RYR1: variants seen among roughly 807,000 people sequenced by gnomAD.
The protein encoded by RYR1 is ryanodine receptor 1.
In RYR1, 342 loss-of-function variants were observed where a neutral mutation model predicts 583.5. The ratio of observed to expected loss-of-function variants is 0.59; its 90% CI spans 0.54 to 0.64. The LOEUF (loss-of-function observed/expected upper bound fraction) is 0.64, where lower values mean the gene tolerates loss of function less well. RYR1 is among the 30% of genes least tolerant of loss of function. The pLI is 0.00. For synonymous variants in RYR1, 2,791 were observed against 2,822.5 expected (o/e 0.99, Z 0.35); for missense variants, 6,032 against 6,917.2 (o/e 0.87, Z 4.54).
In RYR1 at chr19:38,457,532, T is replaced by C. The variant is rs773570444; in HGVS notation, c.1827T>C (p.Asn609=). 3.1e-6 allele frequency: 5 copies of C among 1,614,062 alleles called. No homozygotes were observed. The highest frequency in any genetic ancestry group is 8.5e-7 in the Non-Finnish European group (1 of 1,180,014). The part of the protein sequence containing the change: ...LDVLCSLCVC[N]GVAVRSNQDL... Reference sequence around the variant, plus strand: ...TGCTATGCTCCCTGTGTGTGTGTAATGGTGTGGCTGTACGCTCCAACCAAG... The same window carrying C: ...TGCTATGCTCCCTGTGTGTGTGTAACGGTGTGGCTGTACGCTCCAACCAAG... The change falls in exon 17 of 106, where the codon AAT becomes AAC. Residue 609 remains asparagine (N), a synonymous_variant. Transcript: ENST00000359596.
chr19:38,574,648 A>G (rs987241564), intron 96 of RYR1, among the ~76,000 whole-genome samples: 3 of 152,084 alleles, frequency 2.0e-5, no homozygotes, highest in African/African-American at 7.2e-5. Context: ...CCAAAAAAAA[A>G]ACAAGTAGGA....
In RYR1 at chr19:38,586,651, G is replaced by T. The variant is rs1211064945; in HGVS notation, c.15021+75G>T. On this transcript the variant is annotated intron_variant, in intron 105 of 105. Coordinates refer to ENST00000359596, the MANE Select transcript of RYR1 (RefSeq NM_000540.3). ...ACATAAGGCCAGTCAGTAGGTGGCAGTAAAAAGCTCCTATCAATATCAAGG... is the reference window on the plus strand; with the variant it reads ...ACATAAGGCCAGTCAGTAGGTGGCATTAAAAAGCTCCTATCAATATCAAGG... 4 of 1,379,708 alleles carry T rather than the reference G, an allele frequency of 2.9e-6. No homozygotes were observed. The Admixed American group carries it at 6.8e-5, about 23-fold the overall frequency. The allele number at this position is 1,379,708 out of a possible 1,614,324, so 85.5% of individuals were successfully genotyped here.
At chr19:38,497,720 T>C (rs1969910555) in intron 42 of RYR1, among the ~76,000 whole-genome samples, 1 of 152,126 alleles carries the variant, frequency 6.6e-6, no homozygotes, top group South Asian at 2.1e-4. Context: ...ACATCTATAA[T>C]CCCAGCACTT....
Position 38,460,366 on chromosome 19 carries a change from C to G in RYR1, c.2361-9C>G. On this transcript the variant is annotated splice_polypyrimidine_tract_variant and intron_variant, in intron 19 of 105. Transcript: ENST00000359596. ...CCCTCAATGATCCCCATTGTCCTTC[C>G]TTACCCAGGGTGCGGTTCCTCCTTG... 6.2e-7 allele frequency: 1 copy of G among 1,613,768 alleles called. No individual in the cohort carries two copies. Among genetic ancestry groups the G allele is most frequent in the Non-Finnish European group, 8.5e-7 (1 of 1,179,638 alleles).
At chr19:38,519,679 T>G (rs78412249) in intron 67 of RYR1, among the ~76,000 whole-genome samples, 3 of 152,062 alleles carry the variant, frequency 2.0e-5, no homozygotes, top group Non-Finnish European at 4.4e-5. Flanking sequence ...GGTTTTTTTT[T>G]GTTTGTTTTT....
intron 14 of RYR1, 31 bp from the exon 15 acceptor site, chr19:38,455,420 C>T: frequency 4.3e-6 from 7 of 1,613,758 alleles, no homozygotes; most frequent in Admixed American, 1.7e-5. Flanking sequence ...ATCCCCAGTC[C>T]TATTGGATCT....
At chr19:38,462,114 G>A (rs1338345336) in intron 20 of RYR1, among the ~76,000 whole-genome samples, 1 of 152,164 alleles carries the variant, frequency 6.6e-6, no homozygotes, top group Admixed American at 6.6e-5. Context: ...CCCTATAGGA[G>A]GGAATATAGG....
intron 101 of RYR1, among the ~76,000 whole-genome samples, chr19:38,581,630 G>C (rs772999333): frequency 6.6e-6 from 1 of 151,194 alleles, no homozygotes; most frequent in Non-Finnish European, 1.5e-5. Context: ...ACAGAGTCTC[G>C]TTCTGTCACC....
At chr19:38,517,239 T>A (rs2145681068) in intron 65 of RYR1, 120 bp from the exon 66 acceptor site, 1 of 1,016,170 alleles carries the variant, frequency 9.8e-7, no homozygotes, top group African/African-American at 1.7e-5. Context: ...GAATAGGGTT[T>A]GGGAGACTGT....
At chr19:38,456,963 G>A (rs190282091) in intron 16 of RYR1, among the ~76,000 whole-genome samples, 197 of 133,480 alleles carry the variant, frequency 1.5e-3, no homozygotes, top group African/African-American at 5.1e-3. Flanking sequence ...GGAGAATGAT[G>A]TGAACCCGGG....
chr19:38,562,261 C>T (rs1027841498), intron 90 of RYR1, among the ~76,000 whole-genome samples: 4 of 152,084 alleles, frequency 2.6e-5, no homozygotes, highest in Admixed American at 2.6e-4. Flanking sequence ...CTCCTATGCC[C>T]AGCCCACAAA....
chr19:38,507,645 C>G, intron 57 of RYR1, 67 bp from the exon 58 acceptor site: 2 of 1,030,778 alleles, frequency 1.9e-6, no homozygotes, highest in Admixed American at 3.4e-5. Context: ...CAGAGGCGGA[C>G]CTGAGAAGGG....
intron 97 of RYR1, 108 bp from the exon 98 acceptor site, chr19:38,577,810 C>T: frequency 6.2e-6 from 9 of 1,461,674 alleles, no homozygotes; most frequent in Non-Finnish European, 8.4e-6. Context: ...AAAAATGCAC[C>T]TCCCATTTCT....
rs1189765984 is a variant in RYR1, at chr19:38,448,526, T to C, written c.957+15T>C. ...GCATCTCCAAGGTCAGTGGGGTTTG[T>C]GGCGCCCTCCCTCACCTGAAGCCCC... On this transcript the variant is annotated intron_variant, in intron 10 of 105. Transcript: ENST00000359596. 1 of 1,612,270 alleles carries C rather than the reference T, an allele frequency of 6.2e-7. No homozygotes were observed. The highest frequency in any genetic ancestry group is 2.2e-5 in the East Asian group (1 of 44,868).
chr19:38,560,891 C>T (rs143841105), intron 89 of RYR1, among the ~76,000 whole-genome samples: 1,930 of 150,866 alleles, frequency 0.013, 26 homozygotes, highest in Non-Finnish European at 0.02. Context: ...CCAGGTGTAG[C>T]GGTGTGTGCC....
chr19:38,494,855 T>A (rs1362907877), intron 39 of RYR1, among the ~76,000 whole-genome samples: 2 of 119,208 alleles, frequency 1.7e-5, no homozygotes, highest in African/African-American at 3.3e-5. Flanking sequence ...ACCCCCCCCT[T>A]TTTTTTTTTT....
At position 38,519,336 on chromosome 19, in the gene RYR1, C is replaced by T. The variant is rs1971117662; in HGVS notation, c.10141C>T (p.Leu3381=). The T allele has an allele frequency of 6.2e-7, 1 of 1,613,340 alleles. No homozygotes were observed. The highest frequency in any genetic ancestry group is 1.1e-5 in the South Asian group (1 of 91,036). The change falls in exon 67 of 106, where the codon CTG becomes TTG. Residue 3381 remains leucine, a synonymous_variant. Transcript: ENST00000359596. The part of the protein sequence containing the change: ...KVVSEEEQLR[L]EAKAEAQEGE... ...GGTGTCCGAGGAGGAGCAGCTGCGC[C>T]TGGAGGCCAAGGCGGAGGCCCAGGA...
chr19:38,478,318 T>C lies in RYR1; in HGVS notation c.4455-117T>C, dbSNP rs996295092. On this transcript the variant is annotated intron_variant, in intron 30 of 105. Transcript: ENST00000359596. ...TTTCAGCTCTCAGGTCTGCAGGCGG[T>C]GGGTGTTTGGGGATGGGACTCTGAG... 5.5e-5 allele frequency: 61 copies of C among 1,105,458 alleles called. No homozygotes were observed. In the East Asian group the frequency reaches 1.5e-3, roughly 27 times the overall value. The allele number at this position is 1,105,458 out of a possible 1,614,324, so 68.5% of individuals were successfully genotyped here. A position where few individuals can be genotyped will look rare whatever the true frequency, so the allele number is the denominator to read the frequency against.
In RYR1 at chr19:38,463,487, G is replaced by A; in HGVS notation, c.2642G>A (p.Trp881Ter). ...EKLAENIHEL[W>*]ALTRIEQGWT... ...CTGGCGGAGAACATCCACGAGCTCT[G>A]GGCGCTAACCCGCATCGAGCAGGGC... is the stretch of plus-strand genomic sequence containing the variant. Residue 881 changes from tryptophan (W) to a stop codon, truncating the protein, a stop_gained, in exon 21 of 106, where the codon TGG (tryptophan) becomes TAG (stop). Transcript: ENST00000359596. LOFTEE classifies it high-confidence loss of function. 1 of 1,613,544 alleles carries A rather than the reference G, an allele frequency of 6.2e-7. No individual in the cohort carries two copies. The highest frequency in any genetic ancestry group is 8.5e-7 in the Non-Finnish European group (1 of 1,179,990).
Sources: allele counts gnomAD v4.1 joint callset (sites outside exome capture counted in the v4.1 genomes callset), GRCh38; gene constraint gnomAD v4.1.1; transcripts MANE v1.5; gene names NCBI Gene and HGNC (gene_info 2026-07-23, HGNC 2026-07-21).